The following PDE11A variants were observed in gnomAD, a reference collection of about 807,000 sequenced individuals.
PDE11A encodes the protein phosphodiesterase 11A, also known as dual 3',5'-cyclic-AMP and -GMP phosphodiesterase 11A.
PDE11A carries 100 observed loss-of-function variants against 100.5 expected under a neutral mutation model. The observed-to-expected ratio is 1.00, with a 90% CI of 0.85 to 1.18. The LOEUF is 1.18. Among genes scored for constraint, PDE11A ranks in the 50% most tolerant of loss-of-function variants. The pLI, the probability that PDE11A is intolerant of heterozygous loss-of-function variation, is 0.00. For synonymous variants in PDE11A, 381 were observed against 420.8 expected (o/e 0.91, Z 1.16); for missense variants, 1,141 against 1,152.6 (o/e 0.99, Z 0.15).
chr2:177,979,143 CCCCCTTTCCCCAA>C (rs1244882199), intron 2 of PDE11A, among the ~76,000 whole-genome samples: 9 of 149,834 alleles, frequency 6.0e-5, no homozygotes, highest in Non-Finnish European at 9.0e-5. Flanking sequence ...TTAAAAGCTT[CCCCCTTTCCCCAA>C]CCCCTTTGGA....
At chr2:178,066,522 A>C (rs892012624) in intron 1 of PDE11A, among the ~76,000 whole-genome samples, 1 of 152,052 alleles carries the variant, frequency 6.6e-6, no homozygotes, top group Non-Finnish European at 1.5e-5. Flanking sequence ...GTTTTTGGCC[A>C]CCTGATCCCC....
At chr2:177,916,545 A>T (rs915798308) in intron 2 of PDE11A, among the ~76,000 whole-genome samples, 6 of 152,066 alleles carry the variant, frequency 3.9e-5, no homozygotes, top group Admixed American at 6.6e-5. Flanking sequence ...CTGGTCCTAG[A>T]CTGAACTGAA....
chr2:177,625,101 T>C lies in PDE11A; in HGVS notation c.*4306A>G, dbSNP rs2079813623. The C allele has an allele frequency of 6.6e-6, 1 of 152,634 alleles. No individual in the cohort carries two copies. The highest frequency in any genetic ancestry group is 1.5e-5 in the Non-Finnish European group (1 of 68,036). 9.5% of individuals were successfully genotyped at this position (152,634 alleles called of 1,614,324 possible). A position where few individuals can be genotyped will look rare whatever the true frequency, so the allele number is the denominator to read the frequency against. ...AGGACATATCTTTTTTTAAATTGTATTGATGACTACATCTTTCATCATAAT... is the reference window on the plus strand; with the variant it reads ...AGGACATATCTTTTTTTAAATTGTACTGATGACTACATCTTTCATCATAAT... On this transcript the variant is annotated 3_prime_UTR_variant, in exon 20 of 20. Transcript: ENST00000286063.
intron 1 of PDE11A, among the ~76,000 whole-genome samples, chr2:178,049,250 G>C (rs2086791067): frequency 6.6e-6 from 1 of 152,326 alleles, no homozygotes; most frequent in Middle Eastern, 3.4e-3. Context: ...ACAGATTTGA[G>C]ATGGTTTTAC....
chr2:177,804,356 AT>A (rs1460644857), intron 9 of PDE11A, among the ~76,000 whole-genome samples: 2 of 152,112 alleles, frequency 1.3e-5, no homozygotes, highest in Non-Finnish European at 2.9e-5. Context: ...CATCAGAGAA[AT>A]TCAAATTAAA....
intron 10 of PDE11A, among the ~76,000 whole-genome samples, chr2:177,735,058 T>A (rs1049754727): frequency 1.3e-5 from 2 of 152,196 alleles, no homozygotes; most frequent in African/African-American, 4.8e-5. Context: ...ATTAGTGTGG[T>A]CCCTGTGCTC....
intron 9 of PDE11A, among the ~76,000 whole-genome samples, chr2:177,786,776 GA>G (rs1452146685): frequency 6.6e-6 from 1 of 152,184 alleles, no homozygotes; most frequent in African/African-American, 2.4e-5. Context: ...TCAACTGGAA[GA>G]AAGGGTATCA....
intron 2 of PDE11A, among the ~76,000 whole-genome samples, chr2:177,946,442 G>A (rs2085431573): frequency 2.1e-5 from 1 of 47,246 alleles, no homozygotes; most frequent in Admixed American, 1.4e-4. Flanking sequence ...CAGCCGCCCC[G>A]TCCGGGAGGG....
chr2:177,631,788 T>C (rs1448923458), intron 19 of PDE11A, among the ~76,000 whole-genome samples: 1 of 151,392 alleles, frequency 6.6e-6, no homozygotes, highest in Non-Finnish European at 1.5e-5. Context: ...CTGAAAGAAG[T>C]ATAAAAAGCT....
chr2:177,711,737 G>T, intron 13 of PDE11A, 32 bp downstream of exon 13: 3 of 1,140,042 alleles, frequency 2.6e-6, no homozygotes, highest in Non-Finnish European at 2.7e-6. Flanking sequence ...AAAGGCAAAT[G>T]CATTAAAATA....
chr2:177,920,587 C>T (rs1202807650), intron 2 of PDE11A, among the ~76,000 whole-genome samples: 1 of 152,040 alleles, frequency 6.6e-6, no homozygotes, highest in Non-Finnish European at 1.5e-5. Context: ...TTCATTGGTG[C>T]AACAATTCTG....
At chr2:177,952,280 T>G (rs181161555) in intron 2 of PDE11A, among the ~76,000 whole-genome samples, 1 of 152,338 alleles carries the variant, frequency 6.6e-6, no homozygotes, top group African/African-American at 2.4e-5. Flanking sequence ...TTTTGCTTGA[T>G]AGCATCCATT....
chr2:177,813,029 A>G (rs1253040233), intron 9 of PDE11A, among the ~76,000 whole-genome samples: 3 of 152,264 alleles, frequency 2.0e-5, no homozygotes, highest in Non-Finnish European at 4.4e-5. Context: ...TGGGAACTAG[A>G]CAAAGACAAA....
At chr2:177,864,868 A>C (rs2084001589) in intron 5 of PDE11A, among the ~76,000 whole-genome samples, 2 of 152,328 alleles carry the variant, frequency 1.3e-5, no homozygotes, top group South Asian at 4.1e-4. Flanking sequence ...ATTACTACTT[A>C]AAAGTAATCA....
intron 2 of PDE11A, among the ~76,000 whole-genome samples, chr2:177,907,872 C>T (rs2084815288): frequency 6.6e-6 from 1 of 152,154 alleles, no homozygotes; most frequent in African/African-American, 2.4e-5. Flanking sequence ...GTCAGGGAAC[C>T]AGCAAAAATG....
At chr2:177,998,632 G>A (rs2086106410) in intron 2 of PDE11A, 1 of 1,291,444 alleles carries the variant, frequency 7.7e-7, no homozygotes, top group Non-Finnish European at 1.1e-6. Context: ...AGAATAAATT[G>A]AGCTGCTAAT....
At chr2:177,661,313 T>A (rs2080482793) in intron 19 of PDE11A, among the ~76,000 whole-genome samples, 1 of 152,328 alleles carries the variant, frequency 6.6e-6, no homozygotes, top group Admixed American at 6.5e-5. Flanking sequence ...CCTCTCAGAC[T>A]CCTTATGATT....
At position 177,810,579 on chromosome 2, in the gene PDE11A, A is replaced by AAG. The variant is rs535401276; in HGVS notation, c.1737+6249_1737+6250insCT. On this transcript the variant is annotated intron_variant, in intron 9 of 19. Transcript: ENST00000286063. The stretch of plus-strand genomic sequence containing the variant: ...TAGAGCAGAGATCAGATGGCAGAGA[A>AAG]ACAGGTAGCTGGTCTTCAGACTATG... Among the ~76,000 whole-genome samples, 540 of 152,274 alleles carry AAG rather than the reference A, an allele frequency of 3.5e-3. 2 individuals carry two copies. The highest frequency in any genetic ancestry group is 5.4e-3 in the Non-Finnish European group (369 of 68,020).
chr2:178,094,786 T>C (rs1472857207), intron 2 of PDE11A, among the ~76,000 whole-genome samples: 1 of 152,088 alleles, frequency 6.6e-6, no homozygotes, highest in African/African-American at 2.4e-5. Context: ...AAACTTACCA[T>C]GATGGTGGAA....
Sources: allele counts gnomAD v4.1 joint callset (sites outside exome capture counted in the v4.1 genomes callset), GRCh38; gene constraint gnomAD v4.1.1; transcripts MANE v1.5; gene names NCBI Gene and HGNC (gene_info 2026-07-23, HGNC 2026-07-21).